DCDC1: variants seen among roughly 807,000 people sequenced by gnomAD.
DCDC1 encodes the protein doublecortin domain-containing protein 1.
A neutral mutation model predicts 178.3 loss-of-function variants in DCDC1; 200 were observed. The observed-to-expected ratio is 1.12, with a 90% confidence interval of 1.00 to 1.26. The LOEUF is 1.26. DCDC1 is among the 50% of genes most tolerant of loss of function. The pLI is 0.00. For missense variants in DCDC1, 1,983 were observed against 1,749.2 expected, an observed-to-expected ratio of 1.13 and a Z score of -2.38; for synonymous variants, 690 against 604.8, an observed-to-expected ratio of 1.14 and a Z score of -2.07.
intron 9 of DCDC1, among the ~76,000 whole-genome samples, chr11:31,188,275 AT>A (rs142598742): frequency 0.052 from 7,925 of 152,204 alleles, 311 homozygotes; most frequent in Non-Finnish European, 0.079. Flanking sequence ...TTCCTATTCT[AT>A]TTTGGCACTT....
intron 20 of DCDC1, among the ~76,000 whole-genome samples, chr11:31,061,707 C>G (rs1955931265): frequency 6.6e-6 from 1 of 152,056 alleles, no homozygotes; most frequent in Non-Finnish European, 1.5e-5. Context: ...TTCCTGTTGA[C>G]TAAAAAAGCA....
At chr11:31,200,856 T>A (rs1250668847) in intron 9 of DCDC1, among the ~76,000 whole-genome samples, 1 of 152,038 alleles carries the variant, frequency 6.6e-6, no homozygotes, top group African/African-American at 2.4e-5. Context: ...TTTAAAATTT[T>A]GCATGTTCAC....
At chr11:30,951,220 A>C (rs1288523219) in intron 21 of DCDC1, among the ~76,000 whole-genome samples, 3 of 152,110 alleles carry the variant, frequency 2.0e-5, no homozygotes, top group Non-Finnish European at 2.9e-5. Context: ...AGAATACCAG[A>C]GAGAAGATAT....
intron 9 of DCDC1, among the ~76,000 whole-genome samples, chr11:31,161,623 G>A (rs138991175): frequency 2.0e-5 from 3 of 152,222 alleles, no homozygotes; most frequent in East Asian, 1.9e-4. Context: ...CCATAGAAAC[G>A]GCTCTTCCAT....
At chr11:31,259,912 C>G (rs1944670168) in intron 8 of DCDC1, among the ~76,000 whole-genome samples, 1 of 152,094 alleles carries the variant, frequency 6.6e-6, no homozygotes, top group African/African-American at 2.4e-5. Context: ...AACATAGGGT[C>G]CTGGAAACAT....
chr11:31,351,040 T>C (rs910603788), intron 1 of DCDC1, among the ~76,000 whole-genome samples: 3 of 152,018 alleles, frequency 2.0e-5, no homozygotes, highest in Non-Finnish European at 4.4e-5. Context: ...ACAGGAGACA[T>C]CAAAAAACTA....
At chr11:31,094,681 ATG>A (rs1213439732) in intron 15 of DCDC1, among the ~76,000 whole-genome samples, 4 of 152,150 alleles carry the variant, frequency 2.6e-5, no homozygotes, top group Non-Finnish European at 5.9e-5. Flanking sequence ...AGCTTAATCA[ATG>A]TGTCTTAGGA....
intron 38 of DCDC1, among the ~76,000 whole-genome samples, chr11:30,867,941 C>T (rs1294696631): frequency 6.6e-6 from 1 of 152,162 alleles, no homozygotes; most frequent in Non-Finnish European, 1.5e-5. Flanking sequence ...GGTCCCTCGG[C>T]CAGTCAGCAT....
At chr11:31,023,487 A>G (rs2135223113) in intron 20 of DCDC1, among the ~76,000 whole-genome samples, 1 of 152,214 alleles carries the variant, frequency 6.6e-6, no homozygotes, top group East Asian at 1.9e-4. Flanking sequence ...AAGTAAAAAC[A>G]GAGGGAAGGG....
At chr11:31,048,825 C>A (rs1008647057) in intron 20 of DCDC1, among the ~76,000 whole-genome samples, 2 of 152,118 alleles carry the variant, frequency 1.3e-5, no homozygotes, top group Non-Finnish European at 2.9e-5. Context: ...CCACTGCACT[C>A]CAGCCTGGGC....
At chr11:31,130,525 T>A (rs942169896) in intron 10 of DCDC1, among the ~76,000 whole-genome samples, 1 of 152,126 alleles carries the variant, frequency 6.6e-6, no homozygotes, top group Non-Finnish European at 1.5e-5. Flanking sequence ...GACATACTGG[T>A]GAGAGCCACA....
intron 38 of DCDC1, among the ~76,000 whole-genome samples, chr11:30,867,192 C>T (rs757037172): frequency 5.3e-5 from 8 of 152,096 alleles, no homozygotes; most frequent in African/African-American, 1.9e-4. Context: ...TCAGAATTAC[C>T]AAGACCACAT....
At chr11:31,108,438 G>A (rs1431697479) in intron 12 of DCDC1, among the ~76,000 whole-genome samples, 1 of 152,098 alleles carries the variant, frequency 6.6e-6, no homozygotes, top group African/African-American at 2.4e-5. Context: ...TTTTTGTGTG[G>A]TTTCAGCTCT....
chr11:31,204,795 C>A (rs1167812980), intron 9 of DCDC1, among the ~76,000 whole-genome samples: 1 of 152,188 alleles, frequency 6.6e-6, no homozygotes, highest in Non-Finnish European at 1.5e-5. Context: ...GCACTCTAGC[C>A]TGGGCAACAC....
chr11:31,195,076 C>T (rs752476307), intron 9 of DCDC1, among the ~76,000 whole-genome samples: 17 of 152,032 alleles, frequency 1.1e-4, no homozygotes, highest in Non-Finnish European at 1.9e-4. Context: ...GGCTTCCTCA[C>T]GCCTTACTTT....
intron 9 of DCDC1, among the ~76,000 whole-genome samples, chr11:31,226,408 G>T (rs1974953545): frequency 6.6e-6 from 1 of 151,510 alleles, no homozygotes; most frequent in Non-Finnish European, 1.5e-5. Flanking sequence ...ACAAAAATTA[G>T]AGCCACACAT....
chr11:30,950,123 TG>T (rs1044105284), intron 21 of DCDC1, among the ~76,000 whole-genome samples: 1 of 151,998 alleles, frequency 6.6e-6, no homozygotes, highest in Non-Finnish European at 1.5e-5. Context: ...AAATCAAAAC[TG>T]CAATGAGATA....
intron 9 of DCDC1, among the ~76,000 whole-genome samples, chr11:31,195,868 T>C (rs1970634555): frequency 6.6e-6 from 1 of 152,072 alleles, no homozygotes; most frequent in South Asian, 2.1e-4. Flanking sequence ...GAATACATAC[T>C]AATAATAATC....
At chr11:30,887,253 A>G (rs1943256477) in intron 36 of DCDC1, among the ~76,000 whole-genome samples, 1 of 151,974 alleles carries the variant, frequency 6.6e-6, no homozygotes, top group South Asian at 2.1e-4. Flanking sequence ...CTGATAATAT[A>G]TTTTCAATGA....
Sources: gnomAD v4.1 joint callset for allele counts (sites outside exome capture counted in the v4.1 genomes callset) on GRCh38, gnomAD v4.1.1 for gene constraint, MANE v1.5 for transcripts, NCBI Gene and HGNC (gene_info 2026-07-23, HGNC 2026-07-21) for gene names.